The following KCND2 variants were observed in gnomAD, a reference collection of about 807,000 sequenced individuals.
The protein encoded by KCND2 is A-type voltage-gated potassium channel KCND2.
Under a neutral mutation model 54.4 loss-of-function variants are expected in KCND2, and 16 were observed. The observed-to-expected ratio is 0.29, with a 90% CI of 0.20 to 0.45. KCND2 has a LOEUF of 0.45. KCND2 is among the 20% of genes least tolerant of loss of function. The probability of loss-of-function intolerance (pLI) is 1.00; values close to 1 mark genes in which losing one functional copy is unlikely to be tolerated. For synonymous variants in KCND2, 317 were observed against 310.7 expected (o/e 1.02, Z -0.21); for missense variants, 486 against 824.2 (o/e 0.59, Z 5.02).
chr7:120,301,290 AT>A (rs373305228), intron 1 of KCND2, among the ~76,000 whole-genome samples: 42 of 152,278 alleles, frequency 2.8e-4, no homozygotes, highest in African/African-American at 1.0e-3. Flanking sequence ...AGGCAAGATC[AT>A]GGGAAATCTG....
At chr7:120,384,438 C>T (rs1800958701) in intron 1 of KCND2, among the ~76,000 whole-genome samples, 1 of 152,154 alleles carries the variant, frequency 6.6e-6, no homozygotes, top group African/African-American at 2.4e-5. Flanking sequence ...TCTCCTTGCG[C>T]TCCACCAGTG....
At chr7:120,312,718 A>G (rs1175727157) in intron 1 of KCND2, among the ~76,000 whole-genome samples, 1 of 152,138 alleles carries the variant, frequency 6.6e-6, no homozygotes. Context: ...GAGTGAGCAT[A>G]AAGAGGCATT....
At chr7:120,699,304 T>G (rs995838279) in intron 1 of KCND2, among the ~76,000 whole-genome samples, 1 of 151,842 alleles carries the variant, frequency 6.6e-6, no homozygotes, top group East Asian at 1.9e-4. Context: ...AGTTATTAAA[T>G]CAATGAATAA....
chr7:120,403,482 ATT>A lies in KCND2; in HGVS notation c.1115+127753_1115+127754del, dbSNP rs528759246. On this transcript the variant is annotated intron_variant, in intron 1 of 5. Coordinates refer to ENST00000331113, the MANE Select transcript of KCND2 (RefSeq NM_012281.3). ...AGGCGATGGCTACCAGGCCCGGCTA[ATT>A]TTTTTTTTTTTTTTTTTGGTCTTTT... is the stretch of plus-strand genomic sequence containing the variant. 3.7e-3 allele frequency among the ~76,000 whole-genome samples: 478 copies of A among 130,902 alleles called. 10 individuals are homozygous for A. The East Asian group carries it at 0.067, about 18-fold the overall frequency. The allele number at this position is 130,902 out of a possible 152,430, so 85.9% of individuals were successfully genotyped here.
At chr7:120,678,968 A>G (rs1412847061) in intron 1 of KCND2, among the ~76,000 whole-genome samples, 1 of 151,554 alleles carries the variant, frequency 6.6e-6, no homozygotes, top group East Asian at 1.9e-4. Context: ...GCTCTTAAAC[A>G]TTAAACTCTT....
intron 1 of KCND2, among the ~76,000 whole-genome samples, chr7:120,429,328 TAAAC>T (rs1002467534): frequency 4.1e-4 from 62 of 152,186 alleles, no homozygotes; most frequent in African/African-American, 1.4e-3. Context: ...AATAAATAAA[TAAAC>T]AAAAAACAGT....
intron 1 of KCND2, among the ~76,000 whole-genome samples, chr7:120,400,773 C>T (rs1195466048): frequency 1.3e-5 from 2 of 152,060 alleles, no homozygotes; most frequent in Non-Finnish European, 2.9e-5. Flanking sequence ...GACTGTGCAT[C>T]TAACAAGGAC....
At chr7:120,680,247 A>T (rs2116588009) in intron 1 of KCND2, among the ~76,000 whole-genome samples, 1 of 152,254 alleles carries the variant, frequency 6.6e-6, no homozygotes, top group South Asian at 2.1e-4. Flanking sequence ...CTGGGAAGAC[A>T]AGATTAATTC....
intron 1 of KCND2, among the ~76,000 whole-genome samples, chr7:120,309,474 T>TATATATAC (rs1257702636): frequency 4.4e-5 from 5 of 113,278 alleles, no homozygotes; most frequent in African/African-American, 1.3e-4. Flanking sequence ...TATATATATA[T>TATATATAC]ACACACACAC....
intron 1 of KCND2, among the ~76,000 whole-genome samples, chr7:120,610,714 C>T (rs1562887402): frequency 6.6e-6 from 1 of 152,118 alleles, no homozygotes; most frequent in African/African-American, 2.4e-5. Flanking sequence ...TAATTAGCTG[C>T]AGAGTTTTCT....
At chr7:120,672,349 A>C (rs115993553) in intron 1 of KCND2, among the ~76,000 whole-genome samples, 1 of 152,200 alleles carries the variant, frequency 6.6e-6, no homozygotes, top group African/African-American at 2.4e-5. Context: ...TACAATTATC[A>C]ATATACTCTT....
At chr7:120,636,685 A>G (rs1047347788) in intron 1 of KCND2, among the ~76,000 whole-genome samples, 1 of 152,120 alleles carries the variant, frequency 6.6e-6, no homozygotes. Flanking sequence ...CTTAGCAAAA[A>G]TATCTCGATG....
chr7:120,631,533 A>C (rs920935799), intron 1 of KCND2, among the ~76,000 whole-genome samples: 31 of 151,994 alleles, frequency 2.0e-4, no homozygotes, highest in African/African-American at 7.5e-4. Context: ...CAACATTGGG[A>C]TTTTCCTCTG....
chr7:120,668,124 A>G (rs1248915424), intron 1 of KCND2, among the ~76,000 whole-genome samples: 1 of 152,076 alleles, frequency 6.6e-6, no homozygotes, highest in African/African-American at 2.4e-5. Flanking sequence ...AGAGAAAAAA[A>G]ATTAAAAACT....
At chr7:120,714,165 T>G (rs1247951048) in intron 1 of KCND2, among the ~76,000 whole-genome samples, 1 of 152,132 alleles carries the variant, frequency 6.6e-6, no homozygotes, top group Non-Finnish European at 1.5e-5. Context: ...CAGTCTCCCT[T>G]AAGAAGCTCG....
intron 1 of KCND2, among the ~76,000 whole-genome samples, chr7:120,687,789 GATA>G (rs1427507690): frequency 2.6e-5 from 4 of 152,046 alleles, no homozygotes; most frequent in African/African-American, 9.7e-5. Context: ...AAAGTGTTTA[GATA>G]ATAATGTTAC....
intron 1 of KCND2, among the ~76,000 whole-genome samples, chr7:120,290,128 G>T (rs1799412164): frequency 6.6e-6 from 1 of 151,906 alleles, no homozygotes; most frequent in African/African-American, 2.4e-5. Flanking sequence ...TTTTAACAAT[G>T]CCTAGAACAT....
intron 1 of KCND2, among the ~76,000 whole-genome samples, chr7:120,549,896 ACAT>A (rs767267742): frequency 1.3e-5 from 2 of 152,150 alleles, no homozygotes; most frequent in African/African-American, 4.8e-5. Flanking sequence ...TGTAGGTGCC[ACAT>A]CATTTGTTGT....
At chr7:120,657,750 A>T (rs987731303) in intron 1 of KCND2, among the ~76,000 whole-genome samples, 32 of 152,124 alleles carry the variant, frequency 2.1e-4, no homozygotes, top group African/African-American at 7.5e-4. Flanking sequence ...CCGCAGGCTG[A>T]GGAGTGAGAT....
Sources: gnomAD v4.1 joint callset for allele counts (sites outside exome capture counted in the v4.1 genomes callset) on GRCh38, gnomAD v4.1.1 for gene constraint, MANE v1.5 for transcripts, NCBI Gene and HGNC (gene_info 2026-07-23, HGNC 2026-07-21) for gene names.